Variants in MINDY2 observed in about 807,000 individuals in gnomAD.
MINDY2 encodes MINDY lysine 48 deubiquitinase 2, also known as ubiquitin carboxyl-terminal hydrolase MINDY-2.
Under a neutral mutation model 68.2 loss-of-function variants are expected in MINDY2, and 52 were observed. The observed-to-expected ratio is 0.76, with a 90% CI of 0.61 to 0.96. The LOEUF is 0.96. Ranked by LOEUF, MINDY2 falls within the 40% of genes least tolerant of loss-of-function variation. MINDY2 has a pLI of 0.00. For synonymous variants in MINDY2, 372 were observed against 303.0 expected (o/e 1.23, Z -2.36); for missense variants, 881 against 773.4 (o/e 1.14, Z -1.65).
intron 2 of MINDY2, chr15:58,796,305 G>A (rs1902282169): frequency 5.8e-6 from 2 of 346,004 alleles, no homozygotes; most frequent in African/African-American, 4.3e-5. Flanking sequence ...TCAAGCTAGA[G>A]GTGGAAATAT....
chr15:58,833,847 C>T (rs2031863613), intron 6 of MINDY2, among the ~76,000 whole-genome samples: 1 of 151,962 alleles, frequency 6.6e-6, no homozygotes, highest in Admixed American at 6.6e-5. Context: ...GTTCCTTCCT[C>T]TTTTACTAAT....
At chr15:58,819,867 A>G (rs688343) in intron 4 of MINDY2, among the ~76,000 whole-genome samples, 2 of 152,032 alleles carry the variant, frequency 1.3e-5, no homozygotes, top group African/African-American at 4.8e-5. Context: ...TGTGCAATGT[A>G]CATAGAATCT....
rs2033088662 is a variant in MINDY2 at position 58,857,253 on chromosome 15, T to C, written c.*2643T>C. The C allele has an allele frequency of 1.3e-5, 2 of 152,090 alleles. No individual in the cohort carries two copies. Among genetic ancestry groups the C allele is most frequent in the South Asian group, 4.2e-4 (2 of 4,816 alleles). The allele number at this position is 152,090 out of a possible 1,614,324, so 9.4% of individuals were successfully genotyped here. A position where few individuals can be genotyped will look rare whatever the true frequency, so the allele number is the denominator to read the frequency against. ...ATACTGGTTTCCTGCCCTTGAAGGG[T>C]ATAAAGAATTTAGATCATGCCTGTA... is the stretch of plus-strand genomic sequence containing the variant. On this transcript the variant is annotated 3_prime_UTR_variant, in exon 9 of 9. Transcript: ENST00000559228.
rs1475971572 is a variant in MINDY2 at position 58,856,372 on chromosome 15, T to C, written c.*1762T>C. ...TCCAAGACCAGTTATAGGATGAATCTGTATGTAAAAATAGAGTCTTATTTA... is the reference window on the plus strand; with the variant it reads ...TCCAAGACCAGTTATAGGATGAATCCGTATGTAAAAATAGAGTCTTATTTA... On this transcript the variant is annotated 3_prime_UTR_variant, in exon 9 of 9. Coordinates refer to ENST00000559228, the MANE Select transcript of MINDY2 (RefSeq NM_001040450.3). 6.6e-6 allele frequency: 1 copy of C among 152,638 alleles called. No homozygotes were observed. The highest frequency in any genetic ancestry group is 6.5e-5 in the Admixed American group (1 of 15,276). 9.5% of individuals were successfully genotyped at this position (152,638 alleles called of 1,614,324 possible).
intron 6 of MINDY2, among the ~76,000 whole-genome samples, chr15:58,839,290 A>G (rs2032160415): frequency 6.6e-6 from 1 of 151,672 alleles, no homozygotes; most frequent in South Asian, 2.1e-4. Context: ...GTATAGAAGC[A>G]GGAGCAAATT....
chr15:58,824,831 G>A (rs747006656), intron 5 of MINDY2, among the ~76,000 whole-genome samples: 5 of 151,910 alleles, frequency 3.3e-5, no homozygotes, highest in African/African-American at 4.8e-5. Flanking sequence ...CACCATGCCC[G>A]ACTAATTTTT....
chr15:58,849,290 C>T (rs1197938237), intron 7 of MINDY2, among the ~76,000 whole-genome samples: 2 of 151,768 alleles, frequency 1.3e-5, no homozygotes, highest in Admixed American at 6.6e-5. Context: ...ATCACGAGGT[C>T]GGGAGATCAA....
Position 58,847,296 on chromosome 15 carries a change from G to T in MINDY2, c.1369-1G>T. 2 of 1,552,668 alleles carry T rather than the reference G, an allele frequency of 1.3e-6. No individual in the cohort carries two copies. The highest frequency in any genetic ancestry group is 1.8e-6 in the Non-Finnish European group (2 of 1,139,168). On this transcript the variant is annotated splice_acceptor_variant, in intron 6 of 8. Transcript: ENST00000559228. LOFTEE classifies it high-confidence loss of function. ...TTTTTCTTTTGTTACTTCTTATTAA[G>T]GGTCAACTGTATTTGTTGGTAACGG...
intron 3 of MINDY2, among the ~76,000 whole-genome samples, chr15:58,805,336 C>G (rs1244578065): frequency 6.6e-6 from 1 of 152,218 alleles, no homozygotes; most frequent in Admixed American, 6.5e-5. Context: ...CAGATGTCTT[C>G]AAACCTAATT....
At chr15:58,793,603 A>G (rs369943466) in intron 2 of MINDY2, among the ~76,000 whole-genome samples, 1 of 152,234 alleles carries the variant, frequency 6.6e-6, no homozygotes, top group East Asian at 1.9e-4. Context: ...AAGCCATTTT[A>G]TAAAAGAGAA....
At chr15:58,801,219 C>T (rs1309756219) in intron 2 of MINDY2, among the ~76,000 whole-genome samples, 4 of 151,412 alleles carry the variant, frequency 2.6e-5, no homozygotes, top group African/African-American at 9.7e-5. Flanking sequence ...GGTGATCCAC[C>T]CTCCTCGGCC....
chr15:58,823,144 T>C (rs1454511870), intron 5 of MINDY2, among the ~76,000 whole-genome samples: 5 of 150,948 alleles, frequency 3.3e-5, no homozygotes, highest in South Asian at 2.1e-4. Context: ...TTTTTCTTTT[T>C]TTTTTTTTTT....
intron 3 of MINDY2, among the ~76,000 whole-genome samples, chr15:58,802,689 C>G (rs1328054588): frequency 6.6e-6 from 1 of 151,768 alleles, no homozygotes; most frequent in Non-Finnish European, 1.5e-5. Context: ...AATTGACTTC[C>G]AGGTCAATTT....
intron 1 of MINDY2, among the ~76,000 whole-genome samples, chr15:58,778,058 CA>C (rs1399410282): frequency 1.3e-5 from 2 of 152,006 alleles, no homozygotes. Context: ...AGGTATATAA[CA>C]TATATATTTT....
intron 2 of MINDY2, among the ~76,000 whole-genome samples, chr15:58,794,718 TA>T (rs1902168684): frequency 6.6e-6 from 1 of 152,094 alleles, no homozygotes; most frequent in African/African-American, 2.4e-5. Context: ...AACTATCACT[TA>T]AGAGAACTGC....
rs901422622 is a variant in MINDY2 at position 58,859,339 on chromosome 15, C to T, written c.*4729C>T. 2.6e-5 allele frequency: 4 copies of T among 151,902 alleles called. No homozygotes were observed. Among genetic ancestry groups the T allele is most frequent in the Admixed American group, 6.6e-5 (1 of 15,246 alleles). The allele number at this position is 151,902 out of a possible 1,614,324, so 9.4% of individuals were successfully genotyped here. On this transcript the variant is annotated 3_prime_UTR_variant, in exon 9 of 9. Transcript: ENST00000559228. Reference sequence around the variant, plus strand: ...AATTACTAATACAGTATATAAACTTCGTTTGCATTGGTGGAATTCATTTAG... The same window carrying T: ...AATTACTAATACAGTATATAAACTTTGTTTGCATTGGTGGAATTCATTTAG...
chr15:58,771,979 A>G lies in MINDY2; in HGVS notation c.584A>G (p.Glu195Gly), dbSNP rs1900448009. ...AGTAGCTGCGAGTTCAATAGTGAGG[A>G]GGGAGCGGAGAACAGGGTCCCTGAG... ...FPSSCEFNSE[E>G]GAENRVPEEE... The change falls in exon 1 of 9, where the codon GAG (glutamate) becomes GGG (glycine). Residue 195 changes from glutamate to glycine, a missense_variant. Coordinates refer to ENST00000559228, the MANE Select transcript of MINDY2 (RefSeq NM_001040450.3). The G allele has an allele frequency of 1.9e-6, 3 of 1,580,800 alleles. No individual in the cohort carries two copies. The highest frequency in any genetic ancestry group is 3.4e-4 in the Middle Eastern group (2 of 5,880).
At chr15:58,842,832 A>T (rs1398766487) in intron 6 of MINDY2, among the ~76,000 whole-genome samples, 1 of 152,180 alleles carries the variant, frequency 6.6e-6, no homozygotes, top group African/African-American at 2.4e-5. Context: ...CTGAGGGAAC[A>T]TGTAAAGACC....
intron 1 of MINDY2, among the ~76,000 whole-genome samples, chr15:58,775,428 A>G (rs1316033079): frequency 1.3e-5 from 2 of 152,208 alleles, no homozygotes; most frequent in African/African-American, 2.4e-5. Flanking sequence ...GACTTTATAT[A>G]TAGCTGATAT....
Sources: allele counts gnomAD v4.1 joint callset (sites outside exome capture counted in the v4.1 genomes callset), GRCh38; gene constraint gnomAD v4.1.1; transcripts MANE v1.5; gene names NCBI Gene and HGNC (gene_info 2026-07-23, HGNC 2026-07-21).